Variants in UBR3 observed in about 807,000 individuals in gnomAD.
The protein encoded by UBR3 is E3 ubiquitin-protein ligase UBR3.
Under a neutral mutation model 243.2 loss-of-function variants are expected in UBR3, and 85 were observed. That is an observed-to-expected ratio of 0.35 (90% CI 0.29 to 0.42). UBR3 has a LOEUF of 0.42. Ranked by LOEUF, UBR3 falls within the 10% of genes least tolerant of loss-of-function variation. The pLI, the probability that UBR3 is intolerant of heterozygous loss-of-function variation, is 1.00. For missense variants in UBR3, 1,686 were observed against 2,300.8 expected (o/e 0.73, Z 5.47); for synonymous variants, 748 against 799.8 (o/e 0.94, Z 1.09).
At chr2:169,982,411 G>A (rs1367635566) in intron 24 of UBR3, among the ~76,000 whole-genome samples, 5 of 151,660 alleles carry the variant, frequency 3.3e-5, no homozygotes, top group Non-Finnish European at 1.5e-5. Context: ...AAAGGCAAAG[G>A]CTATTTTGTA....
intron 24 of UBR3, among the ~76,000 whole-genome samples, chr2:169,972,145 A>G (rs767123495): frequency 7.9e-5 from 12 of 152,248 alleles, no homozygotes; most frequent in Admixed American, 2.0e-4. Context: ...CCTCTAAGCA[A>G]ATAAACTAGA....
At chr2:169,927,243 GT>G in intron 16 of UBR3, 76 bp from the exon 17 acceptor site, 1 of 1,315,424 alleles carries the variant, frequency 7.6e-7, no homozygotes. Context: ...AAACAGCTTA[GT>G]AAAAAGTGTG....
chr2:169,958,617 A>G, intron 24 of UBR3, 91 bp downstream of exon 24: 1 of 1,150,088 alleles, frequency 8.7e-7, no homozygotes, highest in Non-Finnish European at 1.2e-6. Flanking sequence ...TTAAAACATT[A>G]CACACTTTTG....
At chr2:169,947,249 AT>A (rs2086821518) in intron 21 of UBR3, among the ~76,000 whole-genome samples, 1 of 152,184 alleles carries the variant, frequency 6.6e-6, no homozygotes, top group African/African-American at 2.4e-5. Context: ...GAGGATGAAT[AT>A]TCTGTAATGT....
chr2:169,929,190 A>C (rs2105348427), intron 18 of UBR3, among the ~76,000 whole-genome samples: 1 of 152,360 alleles, frequency 6.6e-6, no homozygotes, highest in Non-Finnish European at 1.5e-5. Context: ...TATATTAAAA[A>C]ATATTTTGAA....
At chr2:169,846,727 ATCT>A (rs1559013905) in intron 1 of UBR3, among the ~76,000 whole-genome samples, 1 of 151,336 alleles carries the variant, frequency 6.6e-6, no homozygotes, top group Non-Finnish European at 1.5e-5. Context: ...AAAAAAAAAA[ATCT>A]TCTTTTAAAG....
At chr2:170,060,015 A>G (rs1276714069) in intron 33 of UBR3, among the ~76,000 whole-genome samples, 1 of 152,202 alleles carries the variant, frequency 6.6e-6, no homozygotes, top group Non-Finnish European at 1.5e-5. Flanking sequence ...GAACGAAACA[A>G]TGAGGAACTA....
intron 29 of UBR3, 157 bp from the exon 30 acceptor site, chr2:170,015,124 C>T: frequency 1.9e-6 from 1 of 538,818 alleles, no homozygotes. Context: ...TTCTAAATAT[C>T]AGATAAATAT....
chr2:169,955,755 C>G (rs1316376089), intron 23 of UBR3, among the ~76,000 whole-genome samples: 1 of 134,378 alleles, frequency 7.4e-6, no homozygotes, highest in African/African-American at 2.8e-5. Context: ...GATCGTGCCA[C>G]TGCACTCCAG....
intron 1 of UBR3, among the ~76,000 whole-genome samples, chr2:169,848,771 C>T (rs760530305): frequency 6.7e-5 from 10 of 148,660 alleles, no homozygotes; most frequent in Non-Finnish European, 1.2e-4. Context: ...GGTGTGATCT[C>T]GGCTCACTGC....
chr2:169,895,210 A>G lies in UBR3; in HGVS notation c.1135A>G (p.Lys379Glu). Residue 379 changes from lysine to glutamate, a missense_variant, in exon 7 of 39, where the codon AAA becomes GAA. Lys to Glu is a moderately conservative substitution (Grantham distance 56). Coordinates refer to ENST00000272793, the MANE Select transcript of UBR3 (RefSeq NM_172070.4). ...ATCCATAATGGATGTTTTGAAGCAT[A>G]AAAGCTTCCTAGAAGAACTATTATT... ...DQSIMDVLKH[K>E]SFLEELLFWT... 6.5e-7 allele frequency: 1 copy of G among 1,534,348 alleles called. No individual in the cohort carries two copies. Among genetic ancestry groups the G allele is most frequent in the Non-Finnish European group, 8.8e-7 (1 of 1,142,856 alleles).
At chr2:170,076,270 A>G (rs16857595) in intron 36 of UBR3, among the ~76,000 whole-genome samples, 21,653 of 152,244 alleles carry the variant, frequency 0.14, 2,068 homozygotes, top group East Asian at 0.44. Context: ...GCAGCAAAGG[A>G]TGCTAGGAGG....
At chr2:169,890,571 A>ATATATATG (rs61662738) in intron 5 of UBR3, among the ~76,000 whole-genome samples, 4,967 of 103,278 alleles carry the variant, frequency 0.048, 474 homozygotes, top group East Asian at 0.092. Context: ...ATATGTGTAT[A>ATATATATG]TATATATATG....
intron 24 of UBR3, among the ~76,000 whole-genome samples, chr2:169,983,176 G>GAGAGAGAGGAGTTGAGAGTGAGAGCAA (rs1346311620): frequency 1.3e-5 from 2 of 148,486 alleles, no homozygotes; most frequent in African/African-American, 2.5e-5. Context: ...AGTGAGAGCA[G>GAGAGAGAGGAGTTGAGAGTGAGAGCAA]GAGAGAGAAA....
intron 36 of UBR3, chr2:170,077,731 G>A (rs1054756237): frequency 1.0e-4 from 29 of 288,540 alleles, no homozygotes; most frequent in Admixed American, 8.6e-4. Context: ...GATTACAGGC[G>A]CCTGCCACTA....
chr2:169,878,264 G>A (rs1228418289), intron 4 of UBR3, among the ~76,000 whole-genome samples: 1 of 152,038 alleles, frequency 6.6e-6, no homozygotes, highest in East Asian at 1.9e-4. Flanking sequence ...GGGAAGCTGA[G>A]GCAGGAGAAT....
At chr2:169,828,175 C>T in intron 1 of UBR3, 123 bp downstream of exon 1, 1 of 1,219,396 alleles carries the variant, frequency 8.2e-7, no homozygotes, top group Non-Finnish European at 1.0e-6. Flanking sequence ...GAGGGTGCAG[C>T]CACAGGGGGA....
rs545381054 is a variant in UBR3, at chr2:169,974,102, A to G, written c.3635-12543A>G. On this transcript the variant is annotated intron_variant, in intron 24 of 38. Coordinates refer to ENST00000272793, the MANE Select transcript of UBR3 (RefSeq NM_172070.4). ...CTAGTATGTGTTAAGGATTTTTTGC[A>G]TCTGTGTTCATCAGGGATATTGGCT... Among the ~76,000 whole-genome samples, 25 of 152,226 alleles carry G rather than the reference A, an allele frequency of 1.6e-4. No homozygotes were observed. In the Middle Eastern group the frequency reaches 0.014, roughly 83 times the overall value.
chr2:169,908,915 C>T (rs2085131005), intron 10 of UBR3, among the ~76,000 whole-genome samples: 2 of 151,398 alleles, frequency 1.3e-5, no homozygotes, highest in Admixed American at 1.3e-4. Flanking sequence ...GCTCTGCCTC[C>T]CGGGTTCACG....
Sources: allele counts gnomAD v4.1 joint callset (sites outside exome capture counted in the v4.1 genomes callset), GRCh38; gene constraint gnomAD v4.1.1; transcripts MANE v1.5; gene names NCBI Gene and HGNC (gene_info 2026-07-23, HGNC 2026-07-21).